ASAH2: variants seen among roughly 807,000 people sequenced by gnomAD.
ASAH2 encodes the protein N-acylsphingosine amidohydrolase 2.
In ASAH2, 58 loss-of-function variants were observed where a neutral mutation model predicts 82.9. That is an observed-to-expected ratio of 0.70 (90% CI 0.57 to 0.87). The LOEUF is 0.87. Ranked by LOEUF, ASAH2 falls within the 40% of genes least tolerant of loss-of-function variation. The probability of loss-of-function intolerance (pLI) is 0.00; values close to 1 mark genes in which losing one functional copy is unlikely to be tolerated. For synonymous variants in ASAH2, 276 were observed against 289.7 expected (o/e 0.95, Z 0.48); for missense variants, 779 against 834.0 (o/e 0.93, Z 0.81).
At chr10:50,235,054 A>G (rs1156511106) in intron 5 of ASAH2, among the ~76,000 whole-genome samples, 1 of 152,158 alleles carries the variant, frequency 6.6e-6, no homozygotes, top group Non-Finnish European at 1.5e-5. Flanking sequence ...ATCCCAAAAC[A>G]AAAGTCCACA....
intron 7 of ASAH2, among the ~76,000 whole-genome samples, chr10:50,224,645 C>G (rs1011685173): frequency 0.031 from 4,709 of 152,234 alleles, 261 homozygotes; most frequent in African/African-American, 0.11. Context: ...ACTACCCAAT[C>G]TTCACTAGAC....
intron 7 of ASAH2, among the ~76,000 whole-genome samples, chr10:50,226,073 A>G (rs1845876722): frequency 6.6e-6 from 1 of 152,080 alleles, no homozygotes; most frequent in African/African-American, 2.4e-5. Flanking sequence ...AGCCTGGGCA[A>G]CAGAGCAAGA....
Position 50,210,821 on chromosome 10 carries a change from A to G in ASAH2, c.1414+2T>C. 1 of 1,608,324 alleles carries G rather than the reference A, an allele frequency of 6.2e-7. No individual in the cohort carries two copies. The highest frequency in any genetic ancestry group is 1.3e-5 in the African/African-American group (1 of 74,934). On this transcript the variant is annotated splice_donor_variant, in intron 12 of 20. Transcript: ENST00000682911. LOFTEE classifies it high-confidence loss of function. ...CATAGATTTTACTGGACTTCACCTTACCCTGTGTAAAATTGAGGCCTCCAA... is the reference window on the plus strand; with the variant it reads ...CATAGATTTTACTGGACTTCACCTTGCCCTGTGTAAAATTGAGGCCTCCAA...
At chr10:50,219,760 T>C (rs1845695445) in intron 7 of ASAH2, among the ~76,000 whole-genome samples, 1 of 152,188 alleles carries the variant, frequency 6.6e-6, no homozygotes, top group African/African-American at 2.4e-5. Flanking sequence ...GAAGCAGATG[T>C]AGGGCAGAGG....
chr10:50,220,765 C>A (rs994382041), intron 7 of ASAH2, among the ~76,000 whole-genome samples: 16 of 134,926 alleles, frequency 1.2e-4, no homozygotes, highest in Admixed American at 8.4e-5. Context: ...TACTCCTGAA[C>A]TTAAAATAAA....
chr10:50,214,698 A>G (rs1406313185), intron 9 of ASAH2, 45 bp downstream of exon 9: 1 of 1,604,382 alleles, frequency 6.2e-7, no homozygotes, highest in Admixed American at 1.7e-5. Flanking sequence ...CATAAAATGT[A>G]TTTGAGATGC....
At chr10:50,205,402 C>T (rs1452093538) in intron 13 of ASAH2, among the ~76,000 whole-genome samples, 7 of 152,082 alleles carry the variant, frequency 4.6e-5, no homozygotes, top group African/African-American at 1.7e-4. Flanking sequence ...TAGCCTGTCC[C>T]TCTATTCCTT....
chr10:50,235,776 A>G (rs958172479), intron 5 of ASAH2, 112 bp downstream of exon 5: 310 of 1,177,336 alleles, frequency 2.6e-4, no homozygotes, highest in Non-Finnish European at 3.8e-4. Context: ...GTACATGCTA[A>G]TACTATGCTC....
chr10:50,213,498 C>T (rs1845516981), intron 9 of ASAH2, among the ~76,000 whole-genome samples: 1 of 152,034 alleles, frequency 6.6e-6, no homozygotes, highest in South Asian at 2.1e-4. Flanking sequence ...AATCAATAAA[C>T]AAATCTGGCT....
intron 10 of ASAH2, 103 bp from the exon 11 acceptor site, chr10:50,211,237 C>T: frequency 1.1e-6 from 1 of 875,650 alleles, no homozygotes; most frequent in African/African-American, 1.6e-5. Context: ...AAATGCATCT[C>T]TCAGCAAAGC....
chr10:50,243,048 A>G (rs142668133), intron 4 of ASAH2, among the ~76,000 whole-genome samples, 154 bp downstream of exon 4: 1 of 152,362 alleles, frequency 6.6e-6, no homozygotes, highest in East Asian at 1.9e-4. Flanking sequence ...TTTTCCTTGT[A>G]AGATTATCTG....
chr10:50,212,862 C>T (rs1845494963), intron 10 of ASAH2, 110 bp downstream of exon 10: 7 of 1,115,534 alleles, frequency 6.3e-6, no homozygotes, highest in Non-Finnish European at 9.6e-6. Context: ...CCCAGCACAA[C>T]CTGAGCATTT....
At chr10:50,211,158 T>G in intron 10 of ASAH2, 24 bp from the exon 11 acceptor site, 2 of 1,565,432 alleles carry the variant, frequency 1.3e-6, no homozygotes, top group Admixed American at 3.3e-5. Flanking sequence ...AGGCTTATTA[T>G]TCCAAGCAAA....
At chr10:50,224,917 C>T (rs1041082634) in intron 7 of ASAH2, among the ~76,000 whole-genome samples, 14 of 152,122 alleles carry the variant, frequency 9.2e-5, no homozygotes, top group African/African-American at 1.2e-4. Context: ...GAATACACAC[C>T]GGACTGCTCA....
chr10:50,198,716 A>G (rs1430765833), intron 17 of ASAH2, among the ~76,000 whole-genome samples: 2 of 152,008 alleles, frequency 1.3e-5, no homozygotes, highest in African/African-American at 4.8e-5. Flanking sequence ...CTTCAAGCCT[A>G]TGTGCTCCTC....
intron 20 of ASAH2, among the ~76,000 whole-genome samples, chr10:50,189,133 A>C (rs1013658220): frequency 6.8e-6 from 1 of 146,574 alleles, no homozygotes; most frequent in African/African-American, 2.7e-5. Context: ...TAGAAATATC[A>C]AGCTCTACAG....
chr10:50,235,909 G>A lies in ASAH2; in HGVS notation c.666C>T (p.His222=), dbSNP rs906478196. 98 of 1,613,278 alleles carry A rather than the reference G, an allele frequency of 6.1e-5. No homozygotes were observed. In the East Asian group the frequency reaches 2.1e-3, roughly 34 times the overall value. The part of the protein sequence containing the change: ...SEGFSNQTFQ[H]MVTGILKSID... Reference sequence around the variant, plus strand: ...CTACCTTCAAGATACCAGTGACCATGTGCTGAAAAGTTTGATTGCTAAATC... The same window carrying A: ...CTACCTTCAAGATACCAGTGACCATATGCTGAAAAGTTTGATTGCTAAATC... Residue 222 remains histidine, a synonymous_variant, in exon 5 of 21, where the codon CAC becomes CAT. Coordinates refer to ENST00000682911, the MANE Select transcript of ASAH2 (RefSeq NM_019893.4).
At chr10:50,206,760 T>C (rs1672971197) in intron 12 of ASAH2, among the ~76,000 whole-genome samples, 2 of 151,770 alleles carry the variant, frequency 1.3e-5, no homozygotes, top group South Asian at 4.2e-4. Context: ...TCAGTAACAA[T>C]ACTGAAATTT....
intron 4 of ASAH2, among the ~76,000 whole-genome samples, chr10:50,239,828 A>ATTTTTTTTTT (rs1208518684): frequency 1.3e-4 from 16 of 120,654 alleles, no homozygotes; most frequent in East Asian, 2.4e-4. Context: ...CTCACATTTA[A>ATTTTTTTTTT]TTTTTTTTTT....
Sources: gnomAD v4.1 joint callset for allele counts (sites outside exome capture counted in the v4.1 genomes callset) on GRCh38, gnomAD v4.1.1 for gene constraint, MANE v1.5 for transcripts, NCBI Gene and HGNC (gene_info 2026-07-23, HGNC 2026-07-21) for gene names.